TMEM132D: variants seen among roughly 807,000 people sequenced by gnomAD.
The protein encoded by TMEM132D is transmembrane protein 132D.
TMEM132D carries 21 observed loss-of-function variants against 62.3 expected under a neutral mutation model. The observed-to-expected ratio is 0.34, with a 90% CI of 0.24 to 0.49. The LOEUF (loss-of-function observed/expected upper bound fraction) is 0.49. Ranked by LOEUF, TMEM132D falls within the 20% of genes least tolerant of loss-of-function variation. TMEM132D has a pLI of 0.99. For synonymous variants in TMEM132D, 621 were observed against 575.6 expected (o/e 1.08, Z -1.13); for missense variants, 1,346 against 1,402.8 (o/e 0.96, Z 0.65).
At position 129,081,838 on chromosome 12, in the gene TMEM132D, T is replaced by A. The variant is rs775239937; in HGVS notation, c.1844A>T (p.Gln615Leu). The change falls in exon 7 of 9, where the codon CAG (glutamine) becomes CTG (leucine). Residue 615 changes from glutamine (Q) to leucine (L), a missense_variant. Transcript: ENST00000422113. ...CTTGGCGATCCTGGGCTCCTCCACC[T>A]GCATGAAGTCATTTATCAGCTCCGT... Reference protein sequence around the residue: ...DITELINDFMQVEEPRIAKLQ... With the variant: ...DITELINDFMLVEEPRIAKLQ... 1.9e-6 allele frequency: 3 copies of A among 1,613,748 alleles called. No individual in the cohort carries two copies.
chr12:129,633,849 C>T (rs538931586), intron 2 of TMEM132D, among the ~76,000 whole-genome samples: 2 of 152,114 alleles, frequency 1.3e-5, no homozygotes, highest in South Asian at 4.1e-4. Context: ...GGATTTGGAG[C>T]CTTTTGCTCC....
intron 3 of TMEM132D, among the ~76,000 whole-genome samples, chr12:129,407,948 A>G (rs1166659383): frequency 6.6e-6 from 1 of 151,366 alleles, no homozygotes; most frequent in Non-Finnish European, 1.5e-5. Flanking sequence ...AGTGGTTTCC[A>G]TACTGGAAAA....
intron 4 of TMEM132D, among the ~76,000 whole-genome samples, chr12:129,324,408 T>C (rs1390326715): frequency 6.6e-6 from 1 of 152,228 alleles, no homozygotes; most frequent in Non-Finnish European, 1.5e-5. Flanking sequence ...ATAGAAGAGT[T>C]TAGACTCCAC....
At chr12:129,768,205 T>A (rs1372105010) in intron 1 of TMEM132D, among the ~76,000 whole-genome samples, 1 of 152,144 alleles carries the variant, frequency 6.6e-6, no homozygotes, top group Non-Finnish European at 1.5e-5. Context: ...TCTTTGAGAT[T>A]CTGTTTTAAA....
chr12:129,269,076 G>A (rs1479350958), intron 4 of TMEM132D, among the ~76,000 whole-genome samples: 2 of 151,340 alleles, frequency 1.3e-5, no homozygotes, highest in Non-Finnish European at 2.9e-5. Context: ...GCTAAATGAC[G>A]AGTTAATGGG....
intron 4 of TMEM132D, among the ~76,000 whole-genome samples, chr12:129,217,429 AG>A (rs1453948824): frequency 6.6e-6 from 1 of 152,208 alleles, no homozygotes; most frequent in Non-Finnish European, 1.5e-5. Flanking sequence ...ACCCAATCTG[AG>A]CACCCCATTG....
intron 3 of TMEM132D, among the ~76,000 whole-genome samples, chr12:129,404,290 C>T (rs979543865): frequency 3.9e-5 from 6 of 152,050 alleles, no homozygotes; most frequent in African/African-American, 9.7e-5. Context: ...CCTCCACCTC[C>T]CGGGTTCAAG....
At chr12:129,689,475 C>T (rs1309884404) in intron 2 of TMEM132D, among the ~76,000 whole-genome samples, 1 of 152,180 alleles carries the variant, frequency 6.6e-6, no homozygotes, top group Non-Finnish European at 1.5e-5. Context: ...CATGTCCCAA[C>T]TCATGAAACC....
rs143451046 is a variant in TMEM132D at position 129,851,207 on chromosome 12, C to T, written c.79+52054G>A. Among the ~76,000 whole-genome samples the T allele has an allele frequency of 6.8e-3, 1,038 of 152,268 alleles. 8 individuals are homozygous for T. The highest frequency in any genetic ancestry group is 0.016 in the African/African-American group (675 of 41,550). On this transcript the variant is annotated intron_variant, in intron 1 of 8. Coordinates refer to ENST00000422113, the MANE Select transcript of TMEM132D (RefSeq NM_133448.3). ...AGAAAGTTCATCAGCATCTAATTTG[C>T]GTATACAGCTAATCCAAGCACATGA... is the stretch of plus-strand genomic sequence containing the variant.
intron 1 of TMEM132D, among the ~76,000 whole-genome samples, chr12:129,874,694 A>ATT (rs1874359239): frequency 8.1e-6 from 1 of 124,070 alleles, no homozygotes; most frequent in African/African-American, 3.0e-5. Flanking sequence ...TGTTTTTCAC[A>ATT]TTTTTCTTTT....
chr12:129,413,136 G>C (rs1245938968), intron 3 of TMEM132D, among the ~76,000 whole-genome samples: 1 of 152,078 alleles, frequency 6.6e-6, no homozygotes, highest in Non-Finnish European at 1.5e-5. Context: ...AAGTGATATG[G>C]TCTGGCTGTG....
In TMEM132D at chr12:129,827,015, C is replaced by G. The variant is rs1872680908; in HGVS notation, c.79+76246G>C. Among the ~76,000 whole-genome samples, 1 of 152,148 alleles carries G rather than the reference C, an allele frequency of 6.6e-6. No individual in the cohort carries two copies. Among genetic ancestry groups the G allele is most frequent in the African/African-American group, 2.4e-5 (1 of 41,442 alleles). ...AAATAAAAAGGGGCTGTGCTAATAACTATTCTAAAAATTACACCATAATGA... is the reference window on the plus strand; with the variant it reads ...AAATAAAAAGGGGCTGTGCTAATAAGTATTCTAAAAATTACACCATAATGA... On this transcript the variant is annotated intron_variant, in intron 1 of 8. Transcript: ENST00000422113. The surrounding 1 kb of genome is among the most constrained non-coding windows in gnomAD (Gnocchi z 9.7).
intron 1 of TMEM132D, among the ~76,000 whole-genome samples, chr12:129,833,977 C>CT (rs757831614): frequency 3.3e-5 from 5 of 152,162 alleles, no homozygotes; most frequent in Non-Finnish European, 5.9e-5. Context: ...CCACAAGATT[C>CT]TGACACCCAG....
At chr12:129,793,271 T>C (rs759022138) in intron 1 of TMEM132D, among the ~76,000 whole-genome samples, 4 of 152,186 alleles carry the variant, frequency 2.6e-5, no homozygotes, top group Non-Finnish European at 2.9e-5. Context: ...TCTAGTAATA[T>C]AGAGAATATA....
chr12:129,086,257 C>T (rs904259632), intron 5 of TMEM132D, among the ~76,000 whole-genome samples: 2 of 150,894 alleles, frequency 1.3e-5, no homozygotes, highest in African/African-American at 4.9e-5. Flanking sequence ...TCTTAAAATT[C>T]GTATATATTT....
chr12:129,084,613 C>T lies in TMEM132D; in HGVS notation c.1533G>A (p.Leu511=), dbSNP rs764550024. Residue 511 remains leucine (L), a synonymous_variant, in exon 6 of 9, where the codon CTG becomes CTA. Transcript: ENST00000422113. ...ACACCGTCATCTCCAGGGGGCTGCT[C>T]AGGTGCTGGTAGGTGAAGTTCACCA... The part of the protein sequence containing the change: ...NVVVNFTYQH[L]SSPLEMTVWV... The T allele has an allele frequency of 3.1e-6, 5 of 1,614,018 alleles. No homozygotes were observed. The Admixed American group carries it at 6.7e-5, about 22-fold the overall frequency.
chr12:129,897,213 G>A, intron 1 of TMEM132D, among the ~76,000 whole-genome samples: 1 of 152,170 alleles, frequency 6.6e-6, no homozygotes, highest in East Asian at 1.9e-4. Context: ...TTTTGTGAGA[G>A]GCCGCACCAT....
intron 1 of TMEM132D, among the ~76,000 whole-genome samples, chr12:129,833,451 A>G (rs1872907377): frequency 6.7e-6 from 1 of 150,058 alleles, no homozygotes; most frequent in Admixed American, 6.6e-5. Flanking sequence ...AAAATGAAAA[A>G]CAAAAACAAA....
chr12:129,273,231 CA>C (rs1566018638), intron 4 of TMEM132D, among the ~76,000 whole-genome samples: 1 of 151,388 alleles, frequency 6.6e-6, no homozygotes, highest in Non-Finnish European at 1.5e-5. Context: ...AAAAAACAAG[CA>C]AAAGAATAAT....
Sources: allele counts gnomAD v4.1 joint callset (sites outside exome capture counted in the v4.1 genomes callset), GRCh38; gene constraint gnomAD v4.1.1; non-coding constraint Gnocchi (gnomAD v3.1); transcripts MANE v1.5; gene names NCBI Gene and HGNC (gene_info 2026-07-23, HGNC 2026-07-21).